The following PSME4 variants were observed in gnomAD, a reference collection of about 807,000 sequenced individuals.
The protein encoded by PSME4 is proteasome activator complex subunit 4.
A neutral mutation model predicts 253.9 loss-of-function variants in PSME4; 89 were observed. The observed-to-expected ratio is 0.35, with a 90% CI of 0.30 to 0.42. The LOEUF (loss-of-function observed/expected upper bound fraction) is 0.42, where lower values mean the gene tolerates loss of function less well. Among genes scored for constraint, PSME4 ranks in the 10% least tolerant of loss-of-function variants. The probability of loss-of-function intolerance (pLI) is 1.00; values close to 1 mark genes in which losing one functional copy is unlikely to be tolerated. For synonymous variants in PSME4, 851 were observed against 759.2 expected, an observed-to-expected ratio of 1.12 and a Z score of -1.99; for missense variants, 2,014 against 2,195.2, an observed-to-expected ratio of 0.92 and a Z score of 1.65.
chr2:53,970,722 C>G lies in PSME4; in HGVS notation c.63G>C (p.Pro21=), dbSNP rs1292338572. 2.6e-6 allele frequency: 4 copies of G among 1,547,832 alleles called. No individual in the cohort carries two copies. The highest frequency in any genetic ancestry group is 3.5e-6 in the Non-Finnish European group (4 of 1,146,010). Residue 21 remains proline (P), a synonymous_variant, in exon 1 of 47, where the codon CCG becomes CCC. Transcript: ENST00000404125. The part of the protein sequence containing the change: ...EPPEPGGRPE[P]GPRGFVPQKE... ...TCTGCGGGACGAAGCCCCGCGGGCC[C>G]GGCTCGGGACGCCCGCCCGGCTCCG... is the stretch of plus-strand genomic sequence containing the variant.
chr2:53,905,974 T>C (rs913242362), intron 26 of PSME4, among the ~76,000 whole-genome samples: 8 of 152,246 alleles, frequency 5.3e-5, no homozygotes, highest in African/African-American at 1.9e-4. Context: ...AACATTTCCT[T>C]TGAGCATCAT....
At chr2:53,899,856 T>C (rs912009943) in intron 29 of PSME4, 25 bp downstream of exon 29, 1 of 1,608,854 alleles carries the variant, frequency 6.2e-7, no homozygotes, top group Non-Finnish European at 8.5e-7. Flanking sequence ...ATGTCATCTA[T>C]TGAAGTACAC....
intron 7 of PSME4, among the ~76,000 whole-genome samples, chr2:53,935,566 G>A (rs912293327): frequency 6.6e-6 from 1 of 152,160 alleles, no homozygotes; most frequent in Non-Finnish European, 1.5e-5. Flanking sequence ...TCTAAAAAGT[G>A]GGCAGCACTG....
chr2:53,907,431 T>C (rs1680711273), intron 24 of PSME4, among the ~76,000 whole-genome samples: 2 of 152,160 alleles, frequency 1.3e-5, no homozygotes, highest in African/African-American at 4.8e-5. Flanking sequence ...TTTCAAAACA[T>C]GTTATTTCCA....
chr2:53,895,578 C>A lies in PSME4; in HGVS notation c.3842+5G>T. The A allele has an allele frequency of 6.2e-7, 1 of 1,604,210 alleles. No homozygotes were observed. Among genetic ancestry groups the A allele is most frequent in the Non-Finnish European group, 8.5e-7 (1 of 1,176,512 alleles). On this transcript the variant is annotated splice_donor_5th_base_variant and intron_variant, in intron 33 of 46. Transcript: ENST00000404125. ...TAATGATAAGGTGCACAGTAAGTTA[C>A]TTACTTTGGCCAGGTGTAGTATCCC...
rs543440469 is a variant in PSME4 at position 53,959,999 on chromosome 2, T to C, written c.242+10544A>G. Among the ~76,000 whole-genome samples the C allele has an allele frequency of 9.2e-5, 14 of 152,356 alleles. 1 individual carries two copies. Among genetic ancestry groups the C allele is most frequent in the East Asian group, 3.9e-4 (2 of 5,186 alleles). On this transcript the variant is annotated intron_variant, in intron 1 of 46. Coordinates refer to ENST00000404125, the MANE Select transcript of PSME4 (RefSeq NM_014614.3). Reference sequence around the variant, plus strand: ...GATTTTTTTAGCCCAATTTTCATCATATATTAAGTGGTCATTGACTTTGAA... The same window carrying C: ...GATTTTTTTAGCCCAATTTTCATCACATATTAAGTGGTCATTGACTTTGAA...
chr2:53,929,594 TA>T (rs1317672107), intron 10 of PSME4, among the ~76,000 whole-genome samples: 1 of 151,772 alleles, frequency 6.6e-6, no homozygotes, highest in East Asian at 1.9e-4. Context: ...CCTAGCTGCT[TA>T]TTTTTTTTTT....
At position 53,948,507 on chromosome 2, in the gene PSME4, C is replaced by T; in HGVS notation, c.414G>A (p.Leu138=). The T allele has an allele frequency of 6.2e-7, 1 of 1,612,708 alleles. No individual in the cohort carries two copies. The highest frequency in any genetic ancestry group is 8.5e-7 in the Non-Finnish European group (1 of 1,178,948). ...KKKELLSRAD[L]ELPWRPLYDM... ...CATAAAGTGGTCTCCAGGGTAACTC[C>T]AAATCAGCTCTTGAAAGAAGTTCCT... The change falls in exon 3 of 47, where the codon TTG becomes TTA. Residue 138 remains leucine, a synonymous_variant. Transcript: ENST00000404125.
intron 3 of PSME4, among the ~76,000 whole-genome samples, chr2:53,947,556 A>G (rs11891000): frequency 0.13 from 19,387 of 151,918 alleles, 2,165 homozygotes; most frequent in African/African-American, 0.31. Context: ...ACACAAAAAA[A>G]TTAGCCGGGC....
chr2:53,877,044 A>G (rs1679167449), intron 41 of PSME4, among the ~76,000 whole-genome samples: 1 of 151,936 alleles, frequency 6.6e-6, no homozygotes, highest in Non-Finnish European at 1.5e-5. Flanking sequence ...TTTAATGAAG[A>G]AATCAGGTTT....
chr2:53,924,203 T>C (rs912600611), intron 14 of PSME4, among the ~76,000 whole-genome samples: 1 of 152,230 alleles, frequency 6.6e-6, no homozygotes, highest in African/African-American at 2.4e-5. Flanking sequence ...ATGAGTTCTA[T>C]ACCTGGGTTA....
intron 8 of PSME4, 120 bp downstream of exon 8, chr2:53,934,485 T>C (rs1189721080): frequency 2.0e-6 from 2 of 993,496 alleles, no homozygotes; most frequent in East Asian, 2.5e-5. Context: ...TCAGAAAATA[T>C]CCAAGAATCA....
chr2:53,921,170 A>T lies in PSME4; in HGVS notation c.2047-66T>A. On this transcript the variant is annotated intron_variant, in intron 17 of 46. Transcript: ENST00000404125. The stretch of plus-strand genomic sequence containing the variant: ...AAGAACAAGAACCAATCATTAATGC[A>T]AAGTTCAATGTTTGGCCACTAACCT... 3.1e-6 allele frequency: 5 copies of T among 1,598,458 alleles called. No individual in the cohort carries two copies. In the South Asian group the frequency reaches 5.6e-5, roughly 18 times the overall value.
At chr2:53,951,886 G>A (rs1275758943) in intron 1 of PSME4, among the ~76,000 whole-genome samples, 2 of 152,128 alleles carry the variant, frequency 1.3e-5, no homozygotes, top group East Asian at 3.8e-4. Flanking sequence ...GGTAACGCAC[G>A]TAGATTAGTG....
At chr2:53,956,002 C>G (rs1434379633) in intron 1 of PSME4, among the ~76,000 whole-genome samples, 1 of 151,936 alleles carries the variant, frequency 6.6e-6, no homozygotes, top group Admixed American at 6.6e-5. Flanking sequence ...CAGTGGCTCA[C>G]GCCTATAATC....
intron 1 of PSME4, among the ~76,000 whole-genome samples, chr2:53,967,689 A>C (rs1243974473): frequency 1.1e-4 from 16 of 145,200 alleles, no homozygotes; most frequent in African/African-American, 4.0e-4. Flanking sequence ...AGTCAAAAAG[A>C]GGGACCAAAT....
chr2:53,892,611 A>C (rs1365603551), intron 36 of PSME4, among the ~76,000 whole-genome samples, 197 bp downstream of exon 36: 2 of 152,188 alleles, frequency 1.3e-5, no homozygotes, highest in East Asian at 3.8e-4. Context: ...AAACTTCAAA[A>C]ATTTAAAGAT....
intron 20 of PSME4, among the ~76,000 whole-genome samples, chr2:53,912,094 C>G (rs1348219562): frequency 6.6e-6 from 1 of 152,182 alleles, no homozygotes; most frequent in Non-Finnish European, 1.5e-5. Flanking sequence ...TAAAATACAG[C>G]TTCCATATCT....
chr2:53,896,990 C>T (rs1042760839), intron 31 of PSME4, 105 bp from the exon 32 acceptor site: 11 of 842,804 alleles, frequency 1.3e-5, no homozygotes, highest in South Asian at 1.2e-4. Flanking sequence ...TTTAAAAAAA[C>T]ACCTCGCCTA....
Sources: gnomAD v4.1 joint callset for allele counts (sites outside exome capture counted in the v4.1 genomes callset) on GRCh38, gnomAD v4.1.1 for gene constraint, MANE v1.5 for transcripts, NCBI Gene and HGNC (gene_info 2026-07-23, HGNC 2026-07-21) for gene names.